The following FHIT variants were observed in gnomAD, a reference collection of about 807,000 sequenced individuals.
FHIT encodes bis(5'-adenosyl)-triphosphatase.
A neutral mutation model predicts 17.9 loss-of-function variants in FHIT; 19 were observed. The observed-to-expected ratio is 1.06, with a 90% confidence interval of 0.74 to 1.56. FHIT has a LOEUF of 1.56. Ranked by LOEUF, FHIT falls within the 40% of genes most tolerant of loss-of-function variation. FHIT has a pLI of 0.00. For synonymous variants in FHIT, 81 were observed against 69.7 expected (o/e 1.16, Z -0.81); for missense variants, 248 against 189.2 (o/e 1.31, Z -1.82).
intron 4 of FHIT, among the ~76,000 whole-genome samples, chr3:60,775,367 G>A (rs1295129769): frequency 6.6e-6 from 1 of 152,064 alleles, no homozygotes; most frequent in Non-Finnish European, 1.5e-5. Context: ...GTGGAGCCTC[G>A]GGAATTTCAT....
rs114288928 is a variant in FHIT at position 59,993,864 on chromosome 3, G to A, written c.279+17507C>T. The stretch of plus-strand genomic sequence containing the variant: ...CTTTAACATGGGGATAAAATTCCTG[G>A]CACCATAGCTACCTCACTCAATGCT... On this transcript the variant is annotated intron_variant, in intron 7 of 9. Coordinates refer to ENST00000492590, the MANE Select transcript of FHIT (RefSeq NM_002012.4). Among the ~76,000 whole-genome samples the A allele has an allele frequency of 3.4e-3, 521 of 151,964 alleles. 6 individuals carry two copies. The highest frequency in any genetic ancestry group is 0.012 in the African/African-American group (496 of 41,450).
rs145412161 is a variant in FHIT at position 60,088,180 on chromosome 3, G to C, written c.104-74028C>G. ...TAGTTCCCTTGGGAATTAACAGATG[G>C]AGAACTCATCCCCCAAAGGCAGGCA... is the stretch of plus-strand genomic sequence containing the variant. On this transcript the variant is annotated intron_variant, in intron 5 of 9. Coordinates refer to ENST00000492590, the MANE Select transcript of FHIT (RefSeq NM_002012.4). 4.8e-3 allele frequency among the ~76,000 whole-genome samples: 737 copies of C among 152,180 alleles called. 6 individuals carry two copies. Among genetic ancestry groups the C allele is most frequent in the African/African-American group, 0.016 (682 of 41,518 alleles).
chr3:60,468,263 C>A (rs2107438886), intron 5 of FHIT, among the ~76,000 whole-genome samples: 1 of 152,150 alleles, frequency 6.6e-6, no homozygotes, highest in Non-Finnish European at 1.5e-5. Context: ...CACTCTACAT[C>A]TTTCGATTAG....
At chr3:60,366,255 A>C (rs1576545575) in intron 5 of FHIT, among the ~76,000 whole-genome samples, 1 of 152,104 alleles carries the variant, frequency 6.6e-6, no homozygotes, top group African/African-American at 2.4e-5. Context: ...AGCTCAATGC[A>C]ACCTCTGCCT....
intron 4 of FHIT, among the ~76,000 whole-genome samples, chr3:60,749,556 A>G (rs1214994358): frequency 6.6e-6 from 1 of 152,226 alleles, no homozygotes; most frequent in Non-Finnish European, 1.5e-5. Flanking sequence ...TGGTGACTTA[A>G]AAGCATTAAG....
chr3:59,815,277 G>A (rs949436716), intron 8 of FHIT, among the ~76,000 whole-genome samples: 1 of 152,050 alleles, frequency 6.6e-6, no homozygotes, highest in African/African-American at 2.4e-5. Context: ...TCTATAGCCT[G>A]GTGGGAATGT....
intron 4 of FHIT, among the ~76,000 whole-genome samples, chr3:60,663,305 T>C (rs1553691664): frequency 6.6e-6 from 1 of 151,434 alleles, no homozygotes; most frequent in East Asian, 1.9e-4. Context: ...TTCTCAAAGA[T>C]CAATTTGGGC....
chr3:60,206,175 A>AT (rs1284421917), intron 5 of FHIT, among the ~76,000 whole-genome samples: 1 of 149,248 alleles, frequency 6.7e-6, no homozygotes, highest in East Asian at 1.9e-4. Flanking sequence ...AATAATAATT[A>AT]TAACACTTAA....
chr3:60,602,164 G>C (rs1035100157), intron 4 of FHIT, among the ~76,000 whole-genome samples: 8 of 152,124 alleles, frequency 5.3e-5, no homozygotes, highest in African/African-American at 1.9e-4. Flanking sequence ...AGAAAGAACT[G>C]AATCCATGGG....
At chr3:60,224,776 A>G (rs1246164138) in intron 5 of FHIT, among the ~76,000 whole-genome samples, 1 of 151,444 alleles carries the variant, frequency 6.6e-6, no homozygotes, top group East Asian at 1.9e-4. Flanking sequence ...CCCAAGCTGG[A>G]GTGCAGTGTG....
At chr3:60,187,743 A>G (rs1702219162) in intron 5 of FHIT, among the ~76,000 whole-genome samples, 1 of 152,182 alleles carries the variant, frequency 6.6e-6, no homozygotes, top group Non-Finnish European at 1.5e-5. Context: ...AGGTTCTGAC[A>G]GTCAAAGATG....
intron 1 of FHIT, among the ~76,000 whole-genome samples, chr3:61,219,327 A>ATGTG (rs72023729): frequency 0.02 from 2,924 of 146,940 alleles, 33 homozygotes; most frequent in Middle Eastern, 0.039. Context: ...AAATCTAAAA[A>ATGTG]TGTGTGTGTG....
At chr3:59,925,155 G>A (rs1395431888) in intron 7 of FHIT, among the ~76,000 whole-genome samples, 2 of 150,708 alleles carry the variant, frequency 1.3e-5, no homozygotes, top group Non-Finnish European at 2.9e-5. Flanking sequence ...CCAGGTTGGA[G>A]TACAGTGATA....
chr3:60,380,640 T>TCCGTACACGTCC (rs1440163120), intron 5 of FHIT, among the ~76,000 whole-genome samples: 1 of 152,166 alleles, frequency 6.6e-6, no homozygotes, highest in Non-Finnish European at 1.5e-5. Flanking sequence ...TCTACATGTC[T>TCCGTACACGTCC]CCGTACACGT....
chr3:60,284,035 A>C (rs1707596650), intron 5 of FHIT, among the ~76,000 whole-genome samples: 1 of 152,088 alleles, frequency 6.6e-6, no homozygotes, highest in Non-Finnish European at 1.5e-5. Flanking sequence ...GGTCAGTATG[A>C]ATTAATAAAA....
intron 5 of FHIT, among the ~76,000 whole-genome samples, chr3:60,329,600 A>G (rs1434379583): frequency 6.6e-6 from 1 of 152,230 alleles, no homozygotes; most frequent in Non-Finnish European, 1.5e-5. Flanking sequence ...TTTGGAAAAG[A>G]AGTTAGGTGA....
In FHIT at chr3:60,326,189, G is replaced by C. The variant is rs565513192; in HGVS notation, c.103+210671C>G. Among the ~76,000 whole-genome samples, 4 of 152,184 alleles carry C rather than the reference G, an allele frequency of 2.6e-5. No homozygotes were observed. The South Asian group carries it at 8.3e-4, about 32-fold the overall frequency. On this transcript the variant is annotated intron_variant, in intron 5 of 9. Transcript: ENST00000492590. ...TGGTGATGGTTTCAGGATGATTCAA[G>C]TGCATTACATTTATTGTGCATTTTA...
At chr3:60,863,730 T>C (rs782297531) in intron 3 of FHIT, among the ~76,000 whole-genome samples, 1 of 152,200 alleles carries the variant, frequency 6.6e-6, no homozygotes, top group Admixed American at 6.5e-5. Flanking sequence ...CAGCTCATAA[T>C]GGAAGTGGAG....
chr3:61,009,307 T>C (rs1475328802), intron 3 of FHIT, among the ~76,000 whole-genome samples: 1 of 152,190 alleles, frequency 6.6e-6, no homozygotes, highest in African/African-American at 2.4e-5. Context: ...CTCTTTCTTT[T>C]GGGTTCCCTA....
Sources: allele counts gnomAD v4.1 joint callset (sites outside exome capture counted in the v4.1 genomes callset), GRCh38; gene constraint gnomAD v4.1.1; transcripts MANE v1.5; gene names NCBI Gene and HGNC (gene_info 2026-07-23, HGNC 2026-07-21).